The following SLF1 variants were observed in gnomAD, a reference collection of about 807,000 sequenced individuals.
The protein encoded by SLF1 is SMC5-SMC6 complex localization factor protein 1.
Under a neutral mutation model 123.0 loss-of-function variants are expected in SLF1, and 105 were observed. The observed-to-expected ratio is 0.85, with a 90% confidence interval of 0.73 to 1.00. The LOEUF (loss-of-function observed/expected upper bound fraction) is 1.00, where lower values mean the gene tolerates loss of function less well. SLF1 is among the 50% of genes least tolerant of loss of function. The pLI, the probability that SLF1 is intolerant of heterozygous loss-of-function variation, is 0.00. For missense variants in SLF1, 1,239 were observed against 1,223.0 expected (o/e 1.01, Z -0.20); for synonymous variants, 434 against 406.6 (o/e 1.07, Z -0.81).
At chr5:94,619,034 G>C (rs1046845779) in intron 1 of SLF1, among the ~76,000 whole-genome samples, 1 of 152,130 alleles carries the variant, frequency 6.6e-6, no homozygotes, top group African/African-American at 2.4e-5. Flanking sequence ...CTGCCACCGA[G>C]CGCCCCTCTG....
chr5:94,664,495 A>G (rs137995576), intron 11 of SLF1, among the ~76,000 whole-genome samples: 1 of 152,300 alleles, frequency 6.6e-6, no homozygotes, highest in East Asian at 1.9e-4. Flanking sequence ...GAGTCTTGCT[A>G]TGTTGCCCAT....
chr5:94,694,769 A>G (rs960556941), intron 20 of SLF1, 62 bp from the exon 21 acceptor site: 2 of 1,507,772 alleles, frequency 1.3e-6, no homozygotes, highest in Middle Eastern at 3.6e-4. Flanking sequence ...AGGAGAAAAG[A>G]GCTGTTAAGC....
Position 94,654,632 on chromosome 5 carries a change from A to G in SLF1, c.1035A>G (p.Lys345=), listed in dbSNP as rs1285424800. 4 of 1,535,250 alleles carry G rather than the reference A, an allele frequency of 2.6e-6. No individual in the cohort carries two copies. Among genetic ancestry groups the G allele is most frequent in the African/African-American group, 2.8e-5 (2 of 72,298 alleles). Residue 345 remains lysine, a splice_region_variant and synonymous_variant, in exon 9 of 21, where the codon AAA becomes AAG. Transcript: ENST00000265140. ...LRRHIYNRDQ[K]EMKNSIFAEY... is the part of the protein sequence containing the mutation. ...TCATTTTACTTTGCTATATGCAGAA[A>G]GAAATGAAGAATTCTATTTTTGCTG...
In SLF1 at chr5:94,679,925, TC is replaced by T. The variant is rs540029141; in HGVS notation, c.1975+972del. 4.1e-3 allele frequency among the ~76,000 whole-genome samples: 631 copies of T among 152,318 alleles called. 4 individuals carry two copies. Among genetic ancestry groups the T allele is most frequent in the African/African-American group, 0.015 (610 of 41,590 alleles). On this transcript the variant is annotated intron_variant, in intron 15 of 20. Transcript: ENST00000265140. Reference sequence around the variant, plus strand: ...CCAGTTTAGGGAGAGTCTTTGCCCATCCTTCCCTTTTTTTCTTTATTTCTTT... The same window carrying T: ...CCAGTTTAGGGAGAGTCTTTGCCCATCTTCCCTTTTTTTCTTTATTTCTTT...
chr5:94,670,150 G>T lies in SLF1; in HGVS notation c.1533-1G>T. On this transcript the variant is annotated splice_acceptor_variant, in intron 12 of 20. Coordinates refer to ENST00000265140, the MANE Select transcript of SLF1 (RefSeq NM_032290.4). LOFTEE classifies it high-confidence loss of function. ...TAGATTTTTGGGTTCATGTTTTTCA[G>T]GTCTTGCCTTTTCAATGAAAGCTTT... The T allele has an allele frequency of 6.5e-7, 1 of 1,534,264 alleles. No individual in the cohort carries two copies. Among genetic ancestry groups the T allele is most frequent in the Non-Finnish European group, 8.8e-7 (1 of 1,139,778 alleles).
intron 17 of SLF1, 39 bp downstream of exon 17, chr5:94,688,708 A>C (rs377271212): frequency 6.2e-7 from 1 of 1,601,058 alleles, no homozygotes; most frequent in Admixed American, 1.7e-5. Context: ...TTTGTTTTGG[A>C]GTACAGCTCT....
At chr5:94,652,573 C>A (rs1019911562) in intron 7 of SLF1, among the ~76,000 whole-genome samples, 3 of 151,940 alleles carry the variant, frequency 2.0e-5, no homozygotes, top group Admixed American at 1.3e-4. Flanking sequence ...TGTTGATAAG[C>A]CTTTGGGCTT....
intron 16 of SLF1, 125 bp from the exon 17 acceptor site, chr5:94,688,381 G>C: frequency 2.2e-6 from 2 of 914,252 alleles, no homozygotes; most frequent in Non-Finnish European, 3.3e-6. Flanking sequence ...AACCAAGATA[G>C]AGTGGCAACC....
chr5:94,637,513 A>G (rs1160889090), intron 4 of SLF1, among the ~76,000 whole-genome samples: 2 of 152,036 alleles, frequency 1.3e-5, no homozygotes, highest in East Asian at 3.9e-4. Flanking sequence ...CAGTTGGACA[A>G]AGTTGCAGGT....
At chr5:94,669,491 T>C (rs921621906) in intron 12 of SLF1, among the ~76,000 whole-genome samples, 3 of 152,096 alleles carry the variant, frequency 2.0e-5, no homozygotes, top group African/African-American at 4.8e-5. Flanking sequence ...TAGAAATATA[T>C]TATAGAAGTG....
chr5:94,631,548 G>A (rs1423641285), intron 4 of SLF1, among the ~76,000 whole-genome samples: 1 of 152,128 alleles, frequency 6.6e-6, no homozygotes, highest in African/African-American at 2.4e-5. Context: ...CTCTAGTACA[G>A]TATTATTAAG....
intron 1 of SLF1, among the ~76,000 whole-genome samples, chr5:94,628,484 T>G (rs1415158689): frequency 6.6e-6 from 1 of 152,234 alleles, no homozygotes; most frequent in Non-Finnish European, 1.5e-5. Context: ...TATGCCAGTA[T>G]TTGTATAACA....
intron 15 of SLF1, among the ~76,000 whole-genome samples, chr5:94,681,091 C>T (rs1004421759): frequency 2.0e-5 from 3 of 152,250 alleles, no homozygotes; most frequent in African/African-American, 7.2e-5. Flanking sequence ...GCTTCAAATT[C>T]GGTTATAGCT....
At chr5:94,645,049 T>G (rs1402985626) in intron 5 of SLF1, among the ~76,000 whole-genome samples, 1 of 152,232 alleles carries the variant, frequency 6.6e-6, no homozygotes, top group Non-Finnish European at 1.5e-5. Flanking sequence ...GTTCAAGGAA[T>G]AGGTCTGCTT....
At chr5:94,622,977 GC>G (rs572040550) in intron 1 of SLF1, among the ~76,000 whole-genome samples, 54 of 151,980 alleles carry the variant, frequency 3.6e-4, no homozygotes, top group African/African-American at 1.3e-3. Flanking sequence ...CTTTCATCTT[GC>G]CTCTCAAACC....
At chr5:94,675,792 CAT>C (rs1750976709) in intron 14 of SLF1, among the ~76,000 whole-genome samples, 1 of 151,280 alleles carries the variant, frequency 6.6e-6, no homozygotes, top group African/African-American at 2.4e-5. Flanking sequence ...TGTTTAATAA[CAT>C]TAATATCAAG....
At chr5:94,629,240 G>C (rs1744943567) in intron 3 of SLF1, 73 bp downstream of exon 3, 3 of 1,095,956 alleles carry the variant, frequency 2.7e-6, no homozygotes. Flanking sequence ...AGTCTCTGGA[G>C]AGATAGCATA....
At chr5:94,637,652 T>C (rs1005813346) in intron 4 of SLF1, among the ~76,000 whole-genome samples, 5 of 152,138 alleles carry the variant, frequency 3.3e-5, no homozygotes, top group African/African-American at 9.7e-5. Flanking sequence ...GAAGCTAAGC[T>C]GAGCACTGTT....
At chr5:94,674,953 A>G (rs1750876942) in intron 14 of SLF1, among the ~76,000 whole-genome samples, 1 of 152,252 alleles carries the variant, frequency 6.6e-6, no homozygotes, top group African/African-American at 2.4e-5. Flanking sequence ...TAACTTATTC[A>G]AGGTGTCACA....
Sources: gnomAD v4.1 joint callset for allele counts (sites outside exome capture counted in the v4.1 genomes callset) on GRCh38, gnomAD v4.1.1 for gene constraint, MANE v1.5 for transcripts, NCBI Gene and HGNC (gene_info 2026-07-23, HGNC 2026-07-21) for gene names.